KIRREL1: variants seen among roughly 807,000 people sequenced by gnomAD.
The protein encoded by KIRREL1 is kin of IRRE-like protein 1.
A neutral mutation model predicts 83.3 loss-of-function variants in KIRREL1; 25 were observed. That is an observed-to-expected ratio of 0.30 (90% CI 0.22 to 0.42). The LOEUF is 0.42. Among genes scored for constraint, KIRREL1 ranks in the 10% least tolerant of loss-of-function variants. The probability of loss-of-function intolerance (pLI) is 1.00; values close to 1 mark genes in which losing one functional copy is unlikely to be tolerated. For synonymous variants in KIRREL1, 388 were observed against 410.4 expected (o/e 0.95, Z 0.66); for missense variants, 812 against 1,032.3 (o/e 0.79, Z 2.92).
rs1308115605 is a variant in KIRREL1, at chr1:158,094,798, A to C, written c.1952A>C (p.Asn651Thr). 6.2e-7 allele frequency: 1 copy of C among 1,613,858 alleles called. No individual in the cohort carries two copies. The highest frequency in any genetic ancestry group is 1.3e-5 in the African/African-American group (1 of 74,860). ...LSHSSGYAQL[N>T]TYSRGPASDY... ...CACTCCAGCGGCTATGCCCAGCTCAACACCTATAGCCGGGGCCCTGCCTCT... is the reference window on the plus strand; with the variant it reads ...CACTCCAGCGGCTATGCCCAGCTCACCACCTATAGCCGGGGCCCTGCCTCT... Residue 651 changes from asparagine (N) to threonine (T), a missense_variant, in exon 15 of 15, where the codon AAC becomes ACC. Physicochemically the swap from Asn to Thr is moderately conservative, Grantham distance 65. Around this residue, in one of 3 missense-constraint regions of KIRREL1, gnomAD observed 334 missense variants for 383.7 expected, o/e 0.87. Coordinates refer to ENST00000359209, the MANE Select transcript of KIRREL1 (RefSeq NM_018240.7). This position sits in a 1 kb window ranked among gnomAD's most constrained non-coding sequence, Gnocchi z 4.6.
chr1:158,076,347 C>T (rs1661681907), intron 2 of KIRREL1, 85 bp downstream of exon 2: 4 of 1,240,572 alleles, frequency 3.2e-6, no homozygotes, highest in East Asian at 2.3e-5. Flanking sequence ...GACTCACCAT[C>T]CCTTAGTTCC....
At position 157,999,041 on chromosome 1, in the gene KIRREL1, T is replaced by C. The variant is rs147101386; in HGVS notation, c.52+5313T>C. On this transcript the variant is annotated intron_variant, in intron 1 of 14. Coordinates refer to ENST00000359209, the MANE Select transcript of KIRREL1 (RefSeq NM_018240.7). ...CGCCATGAGTGCCCTTCAGCCTGCC[T>C]AGAAGAGCCACACCCTGCCTTTCTT... Among the ~76,000 whole-genome samples, 360 of 152,228 alleles carry C rather than the reference T, an allele frequency of 2.4e-3. 2 individuals carry two copies. The highest frequency in any genetic ancestry group is 7.9e-3 in the African/African-American group (330 of 41,530).
chr1:158,021,234 CTT>C (rs1487002922), intron 1 of KIRREL1, among the ~76,000 whole-genome samples: 12 of 152,148 alleles, frequency 7.9e-5, no homozygotes, highest in African/African-American at 2.9e-4. Flanking sequence ...ATTTGTCCCT[CTT>C]TTGTTATCAG....
At chr1:158,010,583 C>G (rs1160670395) in intron 1 of KIRREL1, among the ~76,000 whole-genome samples, 1 of 152,196 alleles carries the variant, frequency 6.6e-6, no homozygotes. Context: ...TTGCCCTGAA[C>G]TTTAGCTTTG....
At chr1:158,043,176 A>T (rs1333956269) in intron 1 of KIRREL1, among the ~76,000 whole-genome samples, 1 of 151,474 alleles carries the variant, frequency 6.6e-6, no homozygotes, top group Non-Finnish European at 1.5e-5. Context: ...TGCTGGAGAG[A>T]GGGAGAAGCT....
Position 157,993,744 on chromosome 1 carries a change from C to T in KIRREL1, c.52+16C>T. ...TTCTCCCAAGGTAAGGGCCCCCAGC[C>T]CACCCCCGGACGCTCGGCTTCCCCC... On this transcript the variant is annotated intron_variant, in intron 1 of 14. Transcript: ENST00000359209. 1 of 1,476,666 alleles carries T rather than the reference C, an allele frequency of 6.8e-7. No homozygotes were observed. Among genetic ancestry groups the T allele is most frequent in the Non-Finnish European group, 9.0e-7 (1 of 1,108,046 alleles). 91.5% of individuals were successfully genotyped at this position (1,476,666 alleles called of 1,614,324 possible).
intron 1 of KIRREL1, among the ~76,000 whole-genome samples, chr1:158,073,788 C>T (rs1217901146): frequency 6.6e-6 from 1 of 152,222 alleles, no homozygotes; most frequent in Non-Finnish European, 1.5e-5. Flanking sequence ...AAGTGCTTCC[C>T]ATCTCCATCT....
In KIRREL1 at chr1:158,043,815, CA is replaced by C. The variant is rs576760738; in HGVS notation, c.53-32297del. ...TGCCATGGCAGGGAGCCGTGAACAG[CA>C]GCATCTCTGTGAGAGATGCTTTGAC... On this transcript the variant is annotated intron_variant, in intron 1 of 14. Coordinates refer to ENST00000359209, the MANE Select transcript of KIRREL1 (RefSeq NM_018240.7). Among the ~76,000 whole-genome samples the C allele has an allele frequency of 6.0e-4, 91 of 152,304 alleles. No individual in the cohort carries two copies. In the East Asian group the frequency reaches 0.017, roughly 28 times the overall value.
chr1:158,054,009 C>T (rs1660976037), intron 1 of KIRREL1, among the ~76,000 whole-genome samples: 1 of 151,398 alleles, frequency 6.6e-6, no homozygotes, highest in Admixed American at 6.6e-5. Flanking sequence ...TCAGGAGTTC[C>T]AGACCAGCCT....
At chr1:158,047,845 T>C (rs928276818) in intron 1 of KIRREL1, among the ~76,000 whole-genome samples, 16 of 152,174 alleles carry the variant, frequency 1.1e-4, no homozygotes, top group Admixed American at 2.6e-4. Flanking sequence ...CAAAAGTACT[T>C]TGGGGCCAGG....
chr1:158,039,269 A>G (rs1165125802), intron 1 of KIRREL1, among the ~76,000 whole-genome samples: 1 of 152,252 alleles, frequency 6.6e-6, no homozygotes, highest in African/African-American at 2.4e-5. Context: ...ACTGCTCAGC[A>G]GTAAAAGGGA....
intron 1 of KIRREL1, among the ~76,000 whole-genome samples, chr1:158,014,085 G>A (rs180830630): frequency 1.4e-4 from 21 of 152,244 alleles, no homozygotes; most frequent in Non-Finnish European, 3.1e-4. Flanking sequence ...TAGTAAGAAG[G>A]CAGGTGGAAG....
At chr1:158,065,816 G>A (rs1661344245) in intron 1 of KIRREL1, among the ~76,000 whole-genome samples, 2 of 151,898 alleles carry the variant, frequency 1.3e-5, no homozygotes, top group African/African-American at 4.8e-5. Flanking sequence ...TTCTGCCTGT[G>A]AGACCCCACT....
At chr1:158,013,734 A>G (rs919222749) in intron 1 of KIRREL1, among the ~76,000 whole-genome samples, 2 of 152,126 alleles carry the variant, frequency 1.3e-5, no homozygotes, top group Non-Finnish European at 2.9e-5. Flanking sequence ...CCTCCCGCCG[A>G]CTAGAAAACT....
chr1:158,089,476 C>G, intron 8 of KIRREL1, 26 bp from the exon 9 acceptor site: 4 of 1,613,388 alleles, frequency 2.5e-6, no homozygotes, highest in Non-Finnish European at 3.4e-6. Flanking sequence ...CCTGGCTCCC[C>G]ACCCGAGGCT....
At chr1:158,082,660 G>T (rs60052314) in intron 3 of KIRREL1, among the ~76,000 whole-genome samples, 1 of 152,118 alleles carries the variant, frequency 6.6e-6, no homozygotes, top group Non-Finnish European at 1.5e-5. Flanking sequence ...GTCTTTCCCA[G>T]AAAGAAGCAA....
chr1:158,096,941 T>C lies in KIRREL1; in HGVS notation c.*1821T>C, dbSNP rs1442549346. The C allele has an allele frequency of 2.2e-6, 1 of 456,802 alleles. No homozygotes were observed. The highest frequency in any genetic ancestry group is 6.9e-5 in the East Asian group (1 of 14,392). 28.3% of individuals were successfully genotyped at this position (456,802 alleles called of 1,614,324 possible). A position where few individuals can be genotyped will look rare whatever the true frequency, so the allele number is the denominator to read the frequency against. On this transcript the variant is annotated 3_prime_UTR_variant, in exon 15 of 15. Transcript: ENST00000359209. ...TTACATGCTTATCAGCCACAGGCCA[T>C]TACCACCCTTATGGATGGGTCTGGG...
chr1:158,027,485 G>C (rs1299575505), intron 1 of KIRREL1, among the ~76,000 whole-genome samples: 1 of 152,160 alleles, frequency 6.6e-6, no homozygotes, highest in Non-Finnish European at 1.5e-5. Flanking sequence ...TAGAGGTTGG[G>C]GTATGGAGCT....
chr1:158,058,311 T>C (rs1661121605), intron 1 of KIRREL1, among the ~76,000 whole-genome samples: 1 of 152,172 alleles, frequency 6.6e-6, no homozygotes, highest in Non-Finnish European at 1.5e-5. Context: ...TCACCAAGTT[T>C]TCCCAACAGG....
Sources: gnomAD v4.1 joint callset for allele counts (sites outside exome capture counted in the v4.1 genomes callset) on GRCh38, gnomAD v4.1.1 for gene constraint, gnomAD v4.1.1 regional missense constraint, Gnocchi (gnomAD v3.1) non-coding constraint, MANE v1.5 for transcripts, NCBI Gene and HGNC (gene_info 2026-07-23, HGNC 2026-07-21) for gene names.